The following OCRL variants were observed in gnomAD, a reference collection of about 807,000 sequenced individuals.
The protein encoded by OCRL is inositol polyphosphate 5-phosphatase OCRL.
A neutral mutation model predicts 78.9 loss-of-function variants in OCRL; 8 were observed. The ratio of observed to expected loss-of-function variants is 0.10; its 90% confidence interval spans 0.06 to 0.18. The LOEUF (loss-of-function observed/expected upper bound fraction) is 0.18, where lower values mean the gene tolerates loss of function less well. Among genes scored for constraint, OCRL ranks in the 10% least tolerant of loss-of-function variants. OCRL has a pLI of 1.00. For synonymous variants in OCRL, 240 were observed against 235.4 expected, an observed-to-expected ratio of 1.02 and a Z score of -0.18; for missense variants, 454 against 696.7, an observed-to-expected ratio of 0.65 and a Z score of 3.92.
chrX:129,546,551 G>A (rs924583084), intron 3 of OCRL, among the ~76,000 whole-genome samples: 1 of 112,248 alleles, frequency 8.9e-6, no homozygotes, highest in Non-Finnish European at 1.9e-5. Context: ...TTGTATGGAA[G>A]AATGAAGTGA....
Position 129,576,331 on chromosome X carries a change from A to G in OCRL, c.1894A>G (p.Ile632Val). The G allele has an allele frequency of 8.3e-7, 1 of 1,205,891 alleles. No individual in the cohort carries two copies. The highest frequency in any genetic ancestry group is 1.8e-5 in the South Asian group (1 of 56,842). ...TTACATTTCAGATGAGACAGTGGAC[A>G]TTTCTCTTGATGTGTATGTCAGCAA... ...GYLEPNETVD[I>V]SLDVYVSKDS... is the part of the protein sequence containing the mutation. The change falls in exon 18 of 24, where the codon ATT (isoleucine) becomes GTT (valine). Residue 632 changes from isoleucine (I) to valine (V), a missense_variant. By Grantham distance (29) the Ile-to-Val change is conservative (BLOSUM62 3). Coordinates refer to ENST00000371113, the MANE Select transcript of OCRL (RefSeq NM_000276.4).
At position 129,558,896 on chromosome X, in the gene OCRL, T is replaced by C. The variant is rs1936102809; in HGVS notation, c.617T>C (p.Met206Thr). 1.7e-6 allele frequency: 2 copies of C among 1,210,310 alleles called. No individual in the cohort carries two copies. Among genetic ancestry groups the C allele is most frequent in the Non-Finnish European group, 2.2e-6 (2 of 895,109 alleles). ...GAGCAGCCCAAAGTGACCAACACCA[T>C]GCGGAAGCTCTTTGTACCAAATACC... ...NKEQPKVTNTMRKLFVPNTQS... is the reference protein window; with the variant it reads ...NKEQPKVTNTTRKLFVPNTQS... Residue 206 changes from methionine to threonine, a missense_variant, in exon 8 of 24, where the codon ATG (methionine) becomes ACG (threonine). Coordinates refer to ENST00000371113, the MANE Select transcript of OCRL (RefSeq NM_000276.4).
Position 129,576,471 on chromosome X carries a change from T to C in OCRL, c.2034T>C (p.Ser678=). ...CTATCAGTGGAAATTACCTCCCAAG[T>C]TGTTTTGGCACATCCTTAGAGGCTC... ...FLTISGNYLP[S]CFGTSLEALC... The change falls in exon 18 of 24, where the codon AGT becomes AGC. Residue 678 remains serine (S), a synonymous_variant. Transcript: ENST00000371113. The C allele has an allele frequency of 8.3e-7, 1 of 1,211,637 alleles. No homozygotes were observed. Among genetic ancestry groups the C allele is most frequent in the Non-Finnish European group, 1.1e-6 (1 of 895,222 alleles).
In OCRL at chrX:129,565,832, G is replaced by A; in HGVS notation, c.1305G>A (p.Val435=). ...TTTGCATGCCTGATGCCAATGAGGT[G>A]AAAAGTCTTATTAATAAGAAAGACC... ...YRLCMPDANE[V]KSLINKKDLQ... Residue 435 remains valine, a synonymous_variant, in exon 13 of 24, where the codon GTG becomes GTA. Transcript: ENST00000371113. 8.3e-7 allele frequency: 1 copy of A among 1,208,770 alleles called. No homozygotes were observed. The highest frequency in any genetic ancestry group is 1.1e-6 in the Non-Finnish European group (1 of 893,051).
At chrX:129,540,655 G>GC (rs1556337118) in intron 1 of OCRL, 89 bp from the exon 2 acceptor site, 10 of 565,610 alleles carry the variant, frequency 1.8e-5, no homozygotes, top group South Asian at 2.6e-5. Context: ...GGGCGGCGGT[G>GC]GGGGGGGGGT....
chrX:129,540,308 G>C lies in OCRL; in HGVS notation c.-132G>C. ...CCCAGCTCCCCGCTCCCGGCTCCCG[G>C]CGCCCGGCGCCCGGCGCGGAGCTGT... On this transcript the variant is annotated 5_prime_UTR_variant, in exon 1 of 24. Transcript: ENST00000371113. 4 of 716,774 alleles carry C rather than the reference G, an allele frequency of 5.6e-6. No homozygotes were observed. The highest frequency in any genetic ancestry group is 8.3e-6 in the Non-Finnish European group (4 of 480,459). The allele number at this position is 716,774 out of a possible 1,213,427, so 59.1% of individuals were successfully genotyped here.
At chrX:129,587,320 A>G (rs1453026165) in intron 20 of OCRL, among the ~76,000 whole-genome samples, 1 of 111,397 alleles carries the variant, frequency 9.0e-6, no homozygotes, top group Non-Finnish European at 1.9e-5. Context: ...ATTTACTAAG[A>G]CAAAGGCCTA....
intron 4 of OCRL, among the ~76,000 whole-genome samples, chrX:129,550,997 T>G (rs1334316329): frequency 9.0e-6 from 1 of 111,289 alleles, no homozygotes; most frequent in Non-Finnish European, 1.9e-5. Context: ...TTTAAAATTA[T>G]GAATGTATAC....
chrX:129,540,886 G>A (rs1935789239), intron 2 of OCRL, 63 bp downstream of exon 2: 1 of 962,668 alleles, frequency 1.0e-6, no homozygotes, highest in African/African-American at 1.9e-5. Context: ...ACCCCAAACC[G>A]CGACGGGTCA....
At chrX:129,571,040 A>G (rs929236071) in intron 15 of OCRL, among the ~76,000 whole-genome samples, 1 of 112,316 alleles carries the variant, frequency 8.9e-6, no homozygotes, top group African/African-American at 3.2e-5. Context: ...AGAGCATTCA[A>G]CTAGGAGGAG....
intron 3 of OCRL, among the ~76,000 whole-genome samples, chrX:129,545,377 G>A (rs897992789): frequency 8.9e-6 from 1 of 112,244 alleles, no homozygotes; most frequent in East Asian, 2.8e-4. Flanking sequence ...GTGCTCATAA[G>A]GTACCAAGGT....
chrX:129,558,070 GT>G, intron 6 of OCRL, 120 bp downstream of exon 6: 1 of 547,017 alleles, frequency 1.8e-6, no homozygotes, highest in Non-Finnish European at 3.3e-6. Flanking sequence ...CTGCAGAGTA[GT>G]TTTATCAAGT....
rs1936523252 is a variant in OCRL, at chrX:129,587,188, A to G, written c.2256+70A>G. The G allele has an allele frequency of 1.3e-5, 9 of 668,741 alleles. No homozygotes were observed. The South Asian group carries it at 1.7e-4, about 13-fold the overall frequency. The allele number at this position is 668,741 out of a possible 1,213,427, so 55.1% of individuals were successfully genotyped here. A position where few individuals can be genotyped will look rare whatever the true frequency, so the allele number is the denominator to read the frequency against. ...CTACTATAGGAAATCACAACACCTC[A>G]CGTCAGCATAGCGCTTTTAACTTTC... is the stretch of plus-strand genomic sequence containing the variant. On this transcript the variant is annotated intron_variant, in intron 20 of 23. Coordinates refer to ENST00000371113, the MANE Select transcript of OCRL (RefSeq NM_000276.4).
intron 13 of OCRL, among the ~76,000 whole-genome samples, chrX:129,566,818 C>T (rs936686540): frequency 5.3e-5 from 6 of 112,242 alleles, no homozygotes; most frequent in Non-Finnish European, 1.1e-4. Context: ...TCTTATATAA[C>T]TCTGGTAAAA....
chrX:129,582,557 A>G (rs927709348), intron 18 of OCRL, among the ~76,000 whole-genome samples: 1 of 112,498 alleles, frequency 8.9e-6, no homozygotes, highest in Admixed American at 9.4e-5. Context: ...TGTCAGATAG[A>G]TTCTTCATTT....
intron 4 of OCRL, chrX:129,554,431 A>G (rs554307989): frequency 9.0e-6 from 1 of 111,281 alleles, no homozygotes; most frequent in East Asian, 2.8e-4. Context: ...AGTGGAGAGA[A>G]AGTCTTATGA....
chrX:129,575,084 C>T (rs774970078), intron 15 of OCRL, 56 bp from the exon 16 acceptor site: 64 of 846,504 alleles, frequency 7.6e-5, no homozygotes, highest in Non-Finnish European at 3.2e-5. Context: ...AGATAATCTC[C>T]AAGGGAGATG....
Position 129,576,254 on chromosome X carries a change from T to C in OCRL, c.1880-63T>C, listed in dbSNP as rs181618012. 104 of 1,047,583 alleles carry C rather than the reference T, an allele frequency of 9.9e-5. No homozygotes were observed. In the African/African-American group the frequency reaches 1.6e-3, roughly 16 times the overall value. The allele number at this position is 1,047,583 out of a possible 1,213,427, so 86.3% of individuals were successfully genotyped here. On this transcript the variant is annotated intron_variant, in intron 17 of 23. Transcript: ENST00000371113. Reference sequence around the variant, plus strand: ...GAGGACACTTTTCTGTTGGTTCTTATACTCTTTTTTGCTTTCCCACTGGAG... The same window carrying C: ...GAGGACACTTTTCTGTTGGTTCTTACACTCTTTTTTGCTTTCCCACTGGAG...
intron 12 of OCRL, 90 bp downstream of exon 12, chrX:129,562,876 G>A: frequency 2.2e-6 from 2 of 898,642 alleles, no homozygotes; most frequent in Admixed American, 2.4e-5. Flanking sequence ...GTAGAGCTGT[G>A]AAGAGTGAAA....
Sources: allele counts gnomAD v4.1 joint callset (sites outside exome capture counted in the v4.1 genomes callset), GRCh38; gene constraint gnomAD v4.1.1; transcripts MANE v1.5; gene names NCBI Gene and HGNC (gene_info 2026-07-23, HGNC 2026-07-21).